MAGI2: variants seen among roughly 807,000 people sequenced by gnomAD.
MAGI2 encodes membrane-associated guanylate kinase, WW and PDZ domain-containing protein 2.
MAGI2 carries 35 observed loss-of-function variants against 133.3 expected under a neutral mutation model. The ratio of observed to expected loss-of-function variants is 0.26; its 90% CI spans 0.20 to 0.35. The LOEUF (loss-of-function observed/expected upper bound fraction) is 0.35, where lower values mean the gene tolerates loss of function less well. Ranked by LOEUF, MAGI2 falls within the 10% of genes least tolerant of loss-of-function variation. The probability of loss-of-function intolerance (pLI) is 1.00; values close to 1 mark genes in which losing one functional copy is unlikely to be tolerated. For missense variants in MAGI2, 1,636 were observed against 1,863.4 expected (o/e 0.88, Z 2.25); for synonymous variants, 729 against 710.6 (o/e 1.03, Z -0.41).
intron 5 of MAGI2, among the ~76,000 whole-genome samples, chr7:78,493,277 C>G (rs772167781): frequency 3.9e-4 from 60 of 152,160 alleles, no homozygotes; most frequent in Non-Finnish European, 4.1e-4. Flanking sequence ...CTGACAGAAG[C>G]AGCAGGTTAA....
chr7:78,505,698 G>A (rs905481658), intron 4 of MAGI2, among the ~76,000 whole-genome samples: 1 of 152,314 alleles, frequency 6.6e-6, no homozygotes, highest in Admixed American at 6.5e-5. Flanking sequence ...TTCTCTCATG[G>A]AACTCCAAAT....
intron 9 of MAGI2, among the ~76,000 whole-genome samples, chr7:78,303,806 A>G (rs1798043381): frequency 6.6e-6 from 1 of 152,170 alleles, no homozygotes; most frequent in African/African-American, 2.4e-5. Flanking sequence ...TACCATCTAT[A>G]CACTGATGAG....
intron 2 of MAGI2, among the ~76,000 whole-genome samples, chr7:78,872,692 T>C (rs1795129002): frequency 6.6e-6 from 1 of 152,108 alleles, no homozygotes; most frequent in Admixed American, 6.5e-5. Flanking sequence ...TTTTAGTTGT[T>C]TGTTCTGCTG....
intron 6 of MAGI2, among the ~76,000 whole-genome samples, chr7:78,371,250 C>T (rs112794101): frequency 3.1e-4 from 47 of 151,968 alleles, no homozygotes; most frequent in African/African-American, 1.1e-3. Context: ...TTATAAACAG[C>T]TCATTCAAAA....
intron 5 of MAGI2, among the ~76,000 whole-genome samples, chr7:78,493,982 T>C (rs1323118415): frequency 6.6e-6 from 1 of 152,124 alleles, no homozygotes; most frequent in Non-Finnish European, 1.5e-5. Flanking sequence ...CCTATTCTTT[T>C]TTTTTTCTTT....
intron 1 of MAGI2, among the ~76,000 whole-genome samples, chr7:79,026,258 T>A (rs887578470): frequency 6.6e-6 from 1 of 152,176 alleles, no homozygotes; most frequent in Admixed American, 6.6e-5. Context: ...TGCAAAGTTG[T>A]CCATAATTTT....
intron 1 of MAGI2, among the ~76,000 whole-genome samples, chr7:79,402,409 C>T (rs1326485098): frequency 6.6e-6 from 1 of 152,098 alleles, no homozygotes; most frequent in East Asian, 1.9e-4. Context: ...TTGTCTGTTA[C>T]ACAAATTATT....
intron 2 of MAGI2, among the ~76,000 whole-genome samples, chr7:78,638,974 T>G (rs1307820389): frequency 6.6e-6 from 1 of 152,166 alleles, no homozygotes; most frequent in Non-Finnish European, 1.5e-5. Context: ...TATATTTAGT[T>G]TGAAGCTTTT....
intron 10 of MAGI2, among the ~76,000 whole-genome samples, chr7:78,243,251 ACACACACACACACACACACTCTCTCTCT>A (rs1211097810): frequency 7.4e-5 from 3 of 40,602 alleles, no homozygotes; most frequent in African/African-American, 1.8e-4. Flanking sequence ...ACACACACAC[ACACACACACACACACACACTCTCTCTCT>A]CTCTCTCTTA....
chr7:79,139,936 C>A (rs1415005712), intron 1 of MAGI2: 1 of 152,168 alleles, frequency 6.6e-6, no homozygotes, highest in African/African-American at 2.4e-5. Flanking sequence ...CCTAGAATTT[C>A]AGTAATATGT....
chr7:78,702,575 C>T (rs1206008076), intron 2 of MAGI2, among the ~76,000 whole-genome samples: 3 of 151,830 alleles, frequency 2.0e-5, no homozygotes, highest in Admixed American at 1.3e-4. Flanking sequence ...AGAGATTAGC[C>T]CCCCAATAAA....
chr7:79,151,272 T>C (rs1823209052), intron 1 of MAGI2, among the ~76,000 whole-genome samples: 1 of 152,186 alleles, frequency 6.6e-6, no homozygotes, highest in African/African-American at 2.4e-5. Flanking sequence ...TAAATTGTTT[T>C]TGTAGCATAC....
intron 2 of MAGI2, among the ~76,000 whole-genome samples, chr7:78,822,849 C>A (rs901256531): frequency 6.6e-6 from 1 of 152,218 alleles, no homozygotes; most frequent in Middle Eastern, 3.4e-3. Flanking sequence ...GTATACAATG[C>A]AAGCCACTAG....
intron 1 of MAGI2, among the ~76,000 whole-genome samples, chr7:79,250,250 T>C (rs1351640308): frequency 1.3e-5 from 2 of 151,808 alleles, no homozygotes; most frequent in African/African-American, 4.8e-5. Flanking sequence ...AGGATGCCCA[T>C]GTTCATCACT....
rs568217278 is a variant in MAGI2 at position 78,703,739 on chromosome 7, A to G, written c.419-76500T>C. On this transcript the variant is annotated intron_variant, in intron 2 of 21. Coordinates refer to ENST00000354212, the MANE Select transcript of MAGI2 (RefSeq NM_012301.4). The stretch of plus-strand genomic sequence containing the variant: ...TGTTTTGTTACCTGAAACTTAGTTT[A>G]TATACCATGCCACCATGGGTTTATT... Among the ~76,000 whole-genome samples the G allele has an allele frequency of 3.9e-5, 6 of 152,138 alleles. No individual in the cohort carries two copies. The South Asian group carries it at 1.2e-3, about 31-fold the overall frequency.
chr7:78,035,551 CAG>C (rs1442640033), intron 21 of MAGI2, among the ~76,000 whole-genome samples: 3 of 152,156 alleles, frequency 2.0e-5, no homozygotes, highest in Admixed American at 6.5e-5. Flanking sequence ...TAAGTTCCCT[CAG>C]TGTTTTTTCA....
At chr7:78,506,248 G>A (rs1795073125) in intron 4 of MAGI2, among the ~76,000 whole-genome samples, 1 of 152,124 alleles carries the variant, frequency 6.6e-6, no homozygotes, top group South Asian at 2.1e-4. Context: ...GGGTGGCAAG[G>A]CTTTTCACTG....
intron 2 of MAGI2, among the ~76,000 whole-genome samples, chr7:78,645,043 ACTAAAGCATGTTTTATG>A (rs1328736841): frequency 1.4e-5 from 2 of 138,058 alleles, no homozygotes; most frequent in Non-Finnish European, 3.3e-5. Flanking sequence ...GAAAGATATA[ACTAAAGCATGTTTTATG>A]TATAATATCC....
intron 1 of MAGI2, among the ~76,000 whole-genome samples, chr7:79,056,446 T>C (rs1338947664): frequency 1.3e-5 from 2 of 152,186 alleles, no homozygotes; most frequent in African/African-American, 2.4e-5. Flanking sequence ...TTAGTCTTAA[T>C]TTAGACAACC....
Sources: allele counts gnomAD v4.1 joint callset (sites outside exome capture counted in the v4.1 genomes callset), GRCh38; gene constraint gnomAD v4.1.1; transcripts MANE v1.5; gene names NCBI Gene and HGNC (gene_info 2026-07-23, HGNC 2026-07-21).